Variants in RUNX2 observed in about 807,000 individuals in gnomAD.
RUNX2 encodes the protein RUNX family transcription factor 2, also known as runt-related transcription factor 2.
Under a neutral mutation model 51.7 loss-of-function variants are expected in RUNX2, and 10 were observed. That is an observed-to-expected ratio of 0.19 (90% CI 0.12 to 0.33). RUNX2 has a LOEUF of 0.33. Ranked by LOEUF, RUNX2 falls within the 10% of genes least tolerant of loss-of-function variation. The probability of loss-of-function intolerance (pLI) is 1.00; values close to 1 mark genes in which losing one functional copy is unlikely to be tolerated. For synonymous variants in RUNX2, 276 were observed against 273.6 expected (o/e 1.01, Z -0.09); for missense variants, 562 against 691.3 (o/e 0.81, Z 2.10).
chr6:45,471,450 T>TC (rs1012892660), intron 5 of RUNX2, among the ~76,000 whole-genome samples: 3 of 150,036 alleles, frequency 2.0e-5, no homozygotes, highest in South Asian at 2.1e-4. Flanking sequence ...TTTCTTTCTT[T>TC]TTTTTTTTTT....
intron 2 of RUNX2, among the ~76,000 whole-genome samples, chr6:45,335,842 T>C (rs1224132211): frequency 6.6e-6 from 1 of 151,360 alleles, no homozygotes; most frequent in African/African-American, 2.4e-5. Context: ...TTACCTCTCA[T>C]GAAATCTGTA....
chr6:45,469,108 T>G (rs1799724742), intron 5 of RUNX2, among the ~76,000 whole-genome samples: 1 of 152,262 alleles, frequency 6.6e-6, no homozygotes, highest in South Asian at 2.1e-4. Flanking sequence ...AGCATCCAGA[T>G]GTGGCACTTA....
At chr6:45,337,766 T>G (rs1233644973) in intron 2 of RUNX2, among the ~76,000 whole-genome samples, 1 of 151,966 alleles carries the variant, frequency 6.6e-6, no homozygotes, top group Non-Finnish European at 1.5e-5. Flanking sequence ...CCACTGTTGG[T>G]TGTTATGTTT....
At chr6:45,441,408 C>A (rs1406427576) in intron 5 of RUNX2, among the ~76,000 whole-genome samples, 2 of 152,202 alleles carry the variant, frequency 1.3e-5, no homozygotes, top group Non-Finnish European at 2.9e-5. Flanking sequence ...AGTTACCTAA[C>A]TTCTCTTTGC....
intron 7 of RUNX2, among the ~76,000 whole-genome samples, chr6:45,534,101 G>A (rs746636494): frequency 6.6e-5 from 10 of 151,902 alleles, no homozygotes; most frequent in Non-Finnish European, 1.0e-4. Flanking sequence ...CACCATATTG[G>A]TCAGGCTGGT....
chr6:45,547,310 C>T lies in RUNX2; in HGVS notation c.*5C>T, dbSNP rs1802432545. ...TCTGTTTGGCGACCATATTGAAATT[C>T]CTCAGCAGTGGCCCAGTGGTATCTG... is the stretch of plus-strand genomic sequence containing the variant. On this transcript the variant is annotated 3_prime_UTR_variant, in exon 9 of 9. Transcript: ENST00000647337. 2 of 1,609,852 alleles carry T rather than the reference C, an allele frequency of 1.2e-6. No homozygotes were observed. Among genetic ancestry groups the T allele is most frequent in the Non-Finnish European group, 1.7e-6 (2 of 1,176,462 alleles).
chr6:45,440,381 C>G (rs1036060724), intron 5 of RUNX2, among the ~76,000 whole-genome samples: 2 of 152,178 alleles, frequency 1.3e-5, no homozygotes, highest in East Asian at 3.8e-4. Context: ...TTTTCTTAAA[C>G]AGTGAGTATA....
At chr6:45,372,849 G>A (rs1796276433) in intron 2 of RUNX2, among the ~76,000 whole-genome samples, 1 of 151,826 alleles carries the variant, frequency 6.6e-6, no homozygotes, top group Admixed American at 6.6e-5. Context: ...ATGGAGTTTT[G>A]CTCTGTCACC....
At chr6:45,513,332 T>C (rs1221291291) in intron 7 of RUNX2, 1 of 152,336 alleles carries the variant, frequency 6.6e-6, no homozygotes, top group Admixed American at 6.5e-5. Flanking sequence ...GTTTGCCAGA[T>C]ACTCTTCTCA....
intron 7 of RUNX2, among the ~76,000 whole-genome samples, chr6:45,525,349 C>T (rs1474298515): frequency 6.6e-6 from 1 of 152,178 alleles, no homozygotes; most frequent in Admixed American, 6.5e-5. Context: ...GATAAAACAG[C>T]AGTTGCTCAA....
chr6:45,354,825 G>A (rs200418614), intron 2 of RUNX2, among the ~76,000 whole-genome samples: 36 of 152,130 alleles, frequency 2.4e-4, no homozygotes, highest in African/African-American at 8.7e-4. Flanking sequence ...ATAATGCTGT[G>A]TATTTATCAA....
At chr6:45,377,511 A>C (rs3749863) in intron 2 of RUNX2, 105,275 of 151,704 alleles carry the variant, frequency 0.69, 38,179 homozygotes, top group African/African-American at 0.92. Flanking sequence ...CACCCGCCAA[A>C]AGGGAGGAGT....
intron 7 of RUNX2, among the ~76,000 whole-genome samples, chr6:45,519,838 A>G (rs541542440): frequency 0.015 from 1,727 of 113,180 alleles, 18 homozygotes; most frequent in Non-Finnish European, 0.021. Context: ...GTGTGTGTGT[A>G]TATATTTGAG....
At chr6:45,434,696 G>A (rs1446061779) in intron 4 of RUNX2, among the ~76,000 whole-genome samples, 2 of 151,876 alleles carry the variant, frequency 1.3e-5, no homozygotes, top group Non-Finnish European at 2.9e-5. Flanking sequence ...AAATGATTTT[G>A]GTCCTTAAAT....
chr6:45,477,379 T>G (rs903424495), intron 5 of RUNX2, among the ~76,000 whole-genome samples: 3 of 152,220 alleles, frequency 2.0e-5, no homozygotes, highest in South Asian at 2.1e-4. Context: ...AGACTGGTAT[T>G]TCTAGGTTGC....
intron 2 of RUNX2, among the ~76,000 whole-genome samples, chr6:45,393,041 C>A (rs1461508087): frequency 6.6e-6 from 1 of 152,076 alleles, no homozygotes; most frequent in African/African-American, 2.4e-5. Flanking sequence ...TCTAGTATTT[C>A]CTTTTATTGT....
At chr6:45,378,661 C>CTT (rs755700159) in intron 2 of RUNX2, among the ~76,000 whole-genome samples, 25 of 137,660 alleles carry the variant, frequency 1.8e-4, no homozygotes, top group Non-Finnish European at 3.0e-4. Context: ...TACTTGAAGG[C>CTT]TTTTTTTTTT....
intron 2 of RUNX2, among the ~76,000 whole-genome samples, chr6:45,411,560 T>G (rs2150356838): frequency 6.6e-6 from 1 of 152,354 alleles, no homozygotes; most frequent in South Asian, 2.1e-4. Context: ...GTTATGCTTC[T>G]TATGCATCAT....
chr6:45,449,793 CA>C, intron 5 of RUNX2, among the ~76,000 whole-genome samples: 1 of 152,212 alleles, frequency 6.6e-6, no homozygotes, highest in Non-Finnish European at 1.5e-5. Flanking sequence ...GAAAATAATA[CA>C]TTGTATAACT....
Sources: gnomAD v4.1 joint callset for allele counts (sites outside exome capture counted in the v4.1 genomes callset) on GRCh38, gnomAD v4.1.1 for gene constraint, MANE v1.5 for transcripts, NCBI Gene and HGNC (gene_info 2026-07-23, HGNC 2026-07-21) for gene names.